The following RARB variants were observed in gnomAD, a reference collection of about 807,000 sequenced individuals.
The protein encoded by RARB is retinoic acid receptor beta.
RARB carries 17 observed loss-of-function variants against 51.9 expected under a neutral mutation model. The observed-to-expected ratio is 0.33, with a 90% CI of 0.22 to 0.49. RARB has a LOEUF of 0.49. RARB is among the 20% of genes least tolerant of loss of function. The pLI, the probability that RARB is intolerant of heterozygous loss-of-function variation, is 0.99. For missense variants in RARB, 369 were observed against 550.8 expected, an observed-to-expected ratio of 0.67 and a Z score of 3.30; for synonymous variants, 215 against 195.4, an observed-to-expected ratio of 1.10 and a Z score of -0.84.
At chr3:25,105,995 T>A (rs571466482) in intron 3 of RARB, among the ~76,000 whole-genome samples, 1 of 152,258 alleles carries the variant, frequency 6.6e-6, no homozygotes, top group East Asian at 1.9e-4. Context: ...GGAAAGCAAT[T>A]CAGATCATTT....
chr3:24,994,359 T>A (rs980550669), intron 2 of RARB, among the ~76,000 whole-genome samples: 1 of 152,156 alleles, frequency 6.6e-6, no homozygotes, highest in Non-Finnish European at 1.5e-5. Flanking sequence ...GTATTTTTCT[T>A]GTTGAGTTAT....
At chr3:25,216,473 A>T (rs1701834513) in intron 5 of RARB, among the ~76,000 whole-genome samples, 1 of 152,058 alleles carries the variant, frequency 6.6e-6, no homozygotes, top group Non-Finnish European at 1.5e-5. Flanking sequence ...TCCTCAGCAA[A>T]CTAACACAGG....
At chr3:24,944,438 C>T (rs1249188246) in intron 2 of RARB, among the ~76,000 whole-genome samples, 1 of 152,198 alleles carries the variant, frequency 6.6e-6, no homozygotes, top group Non-Finnish European at 1.5e-5. Context: ...TCATTTAATC[C>T]ATACTGGCGT....
intron 3 of RARB, among the ~76,000 whole-genome samples, chr3:25,512,065 A>G (rs1457366820): frequency 6.6e-6 from 1 of 152,156 alleles, no homozygotes; most frequent in African/African-American, 2.4e-5. Flanking sequence ...CTTGTCTGTA[A>G]CATGAAGAGA....
intron 2 of RARB, among the ~76,000 whole-genome samples, chr3:24,985,451 A>G (rs1696768295): frequency 6.6e-6 from 1 of 152,062 alleles, no homozygotes; most frequent in South Asian, 2.1e-4. Flanking sequence ...GTCAAGGGAA[A>G]AAACAGACAA....
chr3:25,569,968 G>A (rs747965385), intron 4 of RARB, 50 bp downstream of exon 4: 40 of 1,519,522 alleles, frequency 2.6e-5, no homozygotes, highest in East Asian at 2.5e-4. Context: ...AACCTTGTAC[G>A]TGCATGTGTG....
At chr3:24,998,003 C>T (rs1697079142) in intron 2 of RARB, among the ~76,000 whole-genome samples, 1 of 151,848 alleles carries the variant, frequency 6.6e-6, no homozygotes, top group Admixed American at 6.6e-5. Flanking sequence ...CATTTTTAAC[C>T]TCGCAGTATA....
chr3:25,551,104 G>C (rs1050783798), intron 3 of RARB, among the ~76,000 whole-genome samples: 1 of 152,154 alleles, frequency 6.6e-6, no homozygotes, highest in Non-Finnish European at 1.5e-5. Flanking sequence ...TTGAAGGCTT[G>C]AAGGGCAGGG....
chr3:24,871,344 A>G (rs989676000), intron 2 of RARB, among the ~76,000 whole-genome samples: 2 of 152,148 alleles, frequency 1.3e-5, no homozygotes, highest in South Asian at 2.1e-4. Context: ...CAAATGGTCA[A>G]TTCTCACTCT....
intron 3 of RARB, among the ~76,000 whole-genome samples, chr3:25,097,671 C>G (rs941356225): frequency 1.8e-4 from 27 of 152,228 alleles, no homozygotes; most frequent in Middle Eastern, 3.4e-3. Context: ...TAATTCTTAC[C>G]TAATGGAGAG....
At chr3:25,220,569 C>T (rs931797396) in intron 5 of RARB, among the ~76,000 whole-genome samples, 1 of 152,164 alleles carries the variant, frequency 6.6e-6, no homozygotes, top group Non-Finnish European at 1.5e-5. Context: ...CCCTGCTGTT[C>T]TTGTCTTAGT....
At chr3:25,125,714 C>T (rs1398532991) in intron 3 of RARB, among the ~76,000 whole-genome samples, 1 of 152,136 alleles carries the variant, frequency 6.6e-6, no homozygotes, top group Non-Finnish European at 1.5e-5. Flanking sequence ...GGAAACTTCT[C>T]AATCAGCAAC....
chr3:25,344,612 G>T (rs73051691), intron 5 of RARB, among the ~76,000 whole-genome samples: 8,791 of 152,242 alleles, frequency 0.058, 273 homozygotes, highest in Middle Eastern at 0.11. Flanking sequence ...GAATTTGAAA[G>T]TTCCAAGATG....
intron 2 of RARB, among the ~76,000 whole-genome samples, chr3:25,024,040 C>T (rs1284301903): frequency 1.3e-5 from 2 of 152,144 alleles, no homozygotes; most frequent in Non-Finnish European, 2.9e-5. Flanking sequence ...TAGATAATCC[C>T]TAGGGACTAT....
chr3:24,888,205 T>G (rs985638784), intron 2 of RARB, among the ~76,000 whole-genome samples: 11 of 152,186 alleles, frequency 7.2e-5, no homozygotes, highest in African/African-American at 2.2e-4. Context: ...TATCAAATTA[T>G]TTTATAAAGC....
chr3:24,931,360 T>A (rs528459162), intron 2 of RARB, among the ~76,000 whole-genome samples: 1 of 152,264 alleles, frequency 6.6e-6, no homozygotes, highest in African/African-American at 2.4e-5. Context: ...AGGTTTTTCC[T>A]TATTTGGCCC....
intron 5 of RARB, among the ~76,000 whole-genome samples, chr3:25,198,851 T>A (rs1325764903): frequency 6.6e-6 from 1 of 152,036 alleles, no homozygotes; most frequent in Non-Finnish European, 1.5e-5. Flanking sequence ...GAATGTAAAT[T>A]AATACAACCA....
At position 25,597,812 on chromosome 3, in the gene RARB, A is replaced by G. The variant is rs1701939947; in HGVS notation, c.*1196A>G. On this transcript the variant is annotated 3_prime_UTR_variant, in exon 8 of 8. Coordinates refer to ENST00000330688, the MANE Select transcript of RARB (RefSeq NM_000965.5). ...TGATATATTAGCAAGTCTGTGATGT[A>G]CTTTCACTGGCTCTGTTTGTACATT... The G allele has an allele frequency of 6.6e-6, 1 of 152,014 alleles. No individual in the cohort carries two copies. Among genetic ancestry groups the G allele is most frequent in the Admixed American group, 6.6e-5 (1 of 15,224 alleles). The allele number at this position is 152,014 out of a possible 1,614,324, so 9.4% of individuals were successfully genotyped here.
chr3:25,577,460 C>T (rs1227571463), intron 4 of RARB, among the ~76,000 whole-genome samples: 1 of 152,168 alleles, frequency 6.6e-6, no homozygotes, highest in Non-Finnish European at 1.5e-5. Context: ...CTTGAAAGGA[C>T]ATCAGTCTCC....
Sources: allele counts gnomAD v4.1 joint callset (sites outside exome capture counted in the v4.1 genomes callset), GRCh38; gene constraint gnomAD v4.1.1; transcripts MANE v1.5; gene names NCBI Gene and HGNC (gene_info 2026-07-23, HGNC 2026-07-21).